Variants in GALNT14 observed in about 807,000 individuals in gnomAD.
GALNT14 encodes the protein polypeptide N-acetylgalactosaminyltransferase 14.
A neutral mutation model predicts 77.5 loss-of-function variants in GALNT14; 60 were observed. The observed-to-expected ratio is 0.77, with a 90% CI of 0.63 to 0.96. The LOEUF (loss-of-function observed/expected upper bound fraction) is 0.96, where lower values mean the gene tolerates loss of function less well. GALNT14 is among the 40% of genes least tolerant of loss of function. The pLI is 0.00. For missense variants in GALNT14, 710 were observed against 731.0 expected, an observed-to-expected ratio of 0.97 and a Z score of 0.33; for synonymous variants, 280 against 281.7, an observed-to-expected ratio of 0.99 and a Z score of 0.06.
intron 1 of GALNT14, among the ~76,000 whole-genome samples, chr2:31,018,281 T>A (rs115164137): frequency 1.3e-5 from 2 of 152,244 alleles, no homozygotes; most frequent in African/African-American, 4.8e-5. Flanking sequence ...GCTGAAGAGT[T>A]GTATTAGTTT....
At chr2:30,889,432 C>G in the GALNT14 span, among the ~76,000 whole-genome samples, 1 of 152,202 alleles carries the variant, frequency 6.6e-6, no homozygotes, top group Admixed American at 6.5e-5. Context: ...ACCAACAACC[C>G]AGGTGTGCCA....
the GALNT14 span, among the ~76,000 whole-genome samples, chr2:30,890,417 A>G: frequency 2.0e-5 from 3 of 152,142 alleles, no homozygotes; most frequent in Non-Finnish European, 2.9e-5. Flanking sequence ...CATTTTCTGT[A>G]TCTCTGAAAT....
intron 1 of GALNT14, chr2:31,114,883 A>G: frequency 2.8e-6 from 2 of 704,838 alleles, no homozygotes; most frequent in Non-Finnish European, 5.2e-6. Flanking sequence ...GAGAACAGGT[A>G]ACTAACAAAG....
At chr2:30,951,406 G>A (rs10198489) in intron 6 of GALNT14, among the ~76,000 whole-genome samples, 63,868 of 152,018 alleles carry the variant, frequency 0.42, 14,149 homozygotes, top group East Asian at 0.67. Context: ...GACAGAGAGC[G>A]GATTAGCAGT....
chr2:31,013,589 C>T (rs963613743), intron 1 of GALNT14, among the ~76,000 whole-genome samples: 4 of 152,200 alleles, frequency 2.6e-5, no homozygotes, highest in Non-Finnish European at 5.9e-5. Flanking sequence ...CAAGTACGGA[C>T]AGCAGGAGTG....
At chr2:30,969,881 G>A (rs1398652096) in intron 2 of GALNT14, among the ~76,000 whole-genome samples, 1 of 152,132 alleles carries the variant, frequency 6.6e-6, no homozygotes, top group Admixed American at 6.5e-5. Flanking sequence ...TCTGACCATA[G>A]CTAACATTCA....
At chr2:30,975,242 G>A (rs61032818) in intron 2 of GALNT14, among the ~76,000 whole-genome samples, 17,565 of 152,240 alleles carry the variant, frequency 0.12, 1,233 homozygotes, top group East Asian at 0.24. Flanking sequence ...AGGCTGGGAT[G>A]TTCTTGTTTA....
the GALNT14 span, among the ~76,000 whole-genome samples, chr2:30,899,570 GT>G: frequency 0.029 from 4,207 of 145,736 alleles, 204 homozygotes; most frequent in African/African-American, 0.098. Flanking sequence ...CTCACCCAAG[GT>G]TTTTTTTTTT....
chr2:30,899,557 T>C, the GALNT14 span, among the ~76,000 whole-genome samples: 6 of 151,062 alleles, frequency 4.0e-5, no homozygotes, highest in Non-Finnish European at 7.4e-5. Flanking sequence ...AGAAGATGCG[T>C]CTCTCACCCA....
At chr2:30,916,619 T>C (rs533087217) in intron 13 of GALNT14, among the ~76,000 whole-genome samples, 1 of 150,990 alleles carries the variant, frequency 6.6e-6, no homozygotes, top group East Asian at 2.0e-4. Context: ...TGGCCACTGC[T>C]GGTGGGAGCA....
chr2:30,888,781 A>C, the GALNT14 span, among the ~76,000 whole-genome samples: 2 of 152,136 alleles, frequency 1.3e-5, no homozygotes, highest in African/African-American at 4.8e-5. Context: ...CTGGTTGCAA[A>C]ATTCTGGTGA....
At chr2:31,036,838 T>A (rs1402102830) in intron 1 of GALNT14, among the ~76,000 whole-genome samples, 1 of 152,236 alleles carries the variant, frequency 6.6e-6, no homozygotes, top group Admixed American at 6.5e-5. Flanking sequence ...CTTTCTGGCC[T>A]CCAAGGTTTC....
the GALNT14 span, among the ~76,000 whole-genome samples, chr2:30,891,954 GC>G: frequency 0.17 from 26,473 of 152,094 alleles, 2,454 homozygotes; most frequent in Middle Eastern, 0.21. Context: ...AATCTCCCAG[GC>G]AGGAAACCAA....
At chr2:30,992,245 A>C (rs1333750656) in intron 2 of GALNT14, among the ~76,000 whole-genome samples, 3 of 152,206 alleles carry the variant, frequency 2.0e-5, no homozygotes, top group African/African-American at 7.2e-5. Flanking sequence ...ACGTAGCTCC[A>C]GGCCTGATCT....
chr2:30,998,913 G>A (rs530408343), intron 1 of GALNT14, among the ~76,000 whole-genome samples: 147 of 152,096 alleles, frequency 9.7e-4, no homozygotes, highest in African/African-American at 3.1e-3. Flanking sequence ...TCTTTGCTTC[G>A]GGCTATTCCT....
chr2:31,076,623 A>G (rs1404424464), intron 1 of GALNT14, among the ~76,000 whole-genome samples: 5 of 119,248 alleles, frequency 4.2e-5, no homozygotes, highest in Admixed American at 3.9e-4. Flanking sequence ...ATATATATAT[A>G]TATATATTTT....
At chr2:31,078,145 A>C (rs143224055) in intron 1 of GALNT14, among the ~76,000 whole-genome samples, 30 of 152,332 alleles carry the variant, frequency 2.0e-4, no homozygotes, top group Non-Finnish European at 3.2e-4. Context: ...AGGTTCTGAA[A>C]GGAGCAGGCT....
In GALNT14 at chr2:31,025,499, A is replaced by G. The variant is rs571032530; in HGVS notation, c.130-32492T>C. On this transcript the variant is annotated intron_variant, in intron 1 of 14. Coordinates refer to ENST00000349752, the MANE Select transcript of GALNT14 (RefSeq NM_024572.4). The stretch of plus-strand genomic sequence containing the variant: ...AATTGTCTAGATGTGGATTAAAAGA[A>G]ACTGACTGGAGAATGACAAGACAGG... Among the ~76,000 whole-genome samples the G allele has an allele frequency of 1.7e-3, 255 of 152,328 alleles. 2 individuals carry two copies. The highest frequency in any genetic ancestry group is 5.8e-3 in the African/African-American group (242 of 41,570).
At chr2:31,080,673 AG>A (rs1676104144) in intron 1 of GALNT14, among the ~76,000 whole-genome samples, 1 of 152,226 alleles carries the variant, frequency 6.6e-6, no homozygotes, top group Non-Finnish European at 1.5e-5. Context: ...TTCTCATCCC[AG>A]GCTTTGTGAC....
Sources: gnomAD v4.1 joint callset for allele counts (sites outside exome capture counted in the v4.1 genomes callset) on GRCh38, gnomAD v4.1.1 for gene constraint, MANE v1.5 for transcripts, NCBI Gene and HGNC (gene_info 2026-07-23, HGNC 2026-07-21) for gene names.